Variants in ACOX3 observed in about 807,000 individuals in gnomAD.
ACOX3 encodes the protein peroxisomal acyl-coenzyme A oxidase 3.
Under a neutral mutation model 81.5 loss-of-function variants are expected in ACOX3, and 73 were observed. That is an observed-to-expected ratio of 0.90 (90% confidence interval 0.74 to 1.09). ACOX3 has a LOEUF of 1.09. Among genes scored for constraint, ACOX3 ranks in the 50% least tolerant of loss-of-function variants. The pLI, the probability that ACOX3 is intolerant of heterozygous loss-of-function variation, is 0.00. For synonymous variants in ACOX3, 387 were observed against 375.1 expected, an observed-to-expected ratio of 1.03 and a Z score of -0.37; for missense variants, 947 against 928.0, an observed-to-expected ratio of 1.02 and a Z score of -0.27.
In ACOX3 at chr4:8,394,397, G is replaced by A. The variant is rs1284461441; in HGVS notation, c.1179+223C>T. ...AGCTGAACTCACAGACTGGAACCGG[G>A]AGTCGTGTCAGCACATCCTTGAGAG... On this transcript the variant is annotated intron_variant, in intron 10 of 17. Transcript: ENST00000356406. This position sits in a 1 kb window ranked among gnomAD's most constrained non-coding sequence, Gnocchi z 5.9. Among the ~76,000 whole-genome samples, 1 of 152,248 alleles carries A rather than the reference G, an allele frequency of 6.6e-6. No individual in the cohort carries two copies. The highest frequency in any genetic ancestry group is 1.9e-4 in the East Asian group (1 of 5,196).
In ACOX3 at chr4:8,423,719, T is replaced by C. The variant is rs1301807096; in HGVS notation, c.-14-7184A>G. On this transcript the variant is annotated intron_variant, in intron 1 of 17. Transcript: ENST00000356406. The surrounding 1 kb of genome is among the most constrained non-coding windows in gnomAD (Gnocchi z 4.2). ...GAGGAAGCAGAGTGGTTTACAGTCC[T>C]GGACCTTAAGGATGCCTTTTACTGC... Among the ~76,000 whole-genome samples the C allele has an allele frequency of 6.6e-6, 1 of 152,318 alleles. No individual in the cohort carries two copies. Among genetic ancestry groups the C allele is most frequent in the Non-Finnish European group, 1.5e-5 (1 of 68,034 alleles).
At chr4:8,417,042 T>G (rs527730568) in intron 1 of ACOX3, among the ~76,000 whole-genome samples, 39 of 152,340 alleles carry the variant, frequency 2.6e-4, no homozygotes, top group Non-Finnish European at 4.9e-4. Context: ...GCACAGAACC[T>G]CTGATCACAG....
intron 1 of ACOX3, among the ~76,000 whole-genome samples, chr4:8,421,887 C>A (rs1722984899): frequency 1.3e-5 from 2 of 152,168 alleles, no homozygotes; most frequent in African/African-American, 4.8e-5. Context: ...CCAATTTCTA[C>A]CCAGCTTACC....
Position 8,394,428 on chromosome 4 carries a change from G to A in ACOX3, c.1179+192C>T, listed in dbSNP as rs1401613383. Among the ~76,000 whole-genome samples, 2 of 152,240 alleles carry A rather than the reference G, an allele frequency of 1.3e-5. No individual in the cohort carries two copies. The highest frequency in any genetic ancestry group is 2.9e-5 in the Non-Finnish European group (2 of 68,038). Reference sequence around the variant, plus strand: ...TGTCAGCACATCCTTGAGAGGCAGGGGTGTGGACGCGTGCCCAGCCCGTTC... The same window carrying A: ...TGTCAGCACATCCTTGAGAGGCAGGAGTGTGGACGCGTGCCCAGCCCGTTC... On this transcript the variant is annotated intron_variant, in intron 10 of 17. Transcript: ENST00000356406. The surrounding 1 kb of genome is among the most constrained non-coding windows in gnomAD (Gnocchi z 5.9).
At chr4:8,427,637 T>C (rs1401321648) in intron 1 of ACOX3, among the ~76,000 whole-genome samples, 1 of 152,218 alleles carries the variant, frequency 6.6e-6, no homozygotes, top group Non-Finnish European at 1.5e-5. Context: ...AATAGAGCTA[T>C]AACACTCACC....
intron 5 of ACOX3, among the ~76,000 whole-genome samples, chr4:8,411,010 G>A (rs1161718798): frequency 2.0e-5 from 3 of 152,366 alleles, no homozygotes; most frequent in Non-Finnish European, 1.5e-5. Flanking sequence ...GGTCAGAAGC[G>A]AAGAGCACGT....
chr4:8,406,419 C>T lies in ACOX3; in HGVS notation c.688-376G>A, dbSNP rs1720960207. 6.6e-6 allele frequency among the ~76,000 whole-genome samples: 1 copy of T among 152,150 alleles called. No individual in the cohort carries two copies. Among genetic ancestry groups the T allele is most frequent in the Admixed American group, 6.5e-5 (1 of 15,278 alleles). On this transcript the variant is annotated intron_variant, in intron 6 of 17. Coordinates refer to ENST00000356406, the MANE Select transcript of ACOX3 (RefSeq NM_003501.3). The surrounding 1 kb of genome is among the most constrained non-coding windows in gnomAD (Gnocchi z 5.6). ...GCTGGGGCTGTAGGGATCAGCCCCA[C>T]AGGGTCAGTGGGTTTCTCCCCGTGT...
At chr4:8,396,882 G>C in intron 9 of ACOX3, 55 bp downstream of exon 9, 2 of 1,568,550 alleles carry the variant, frequency 1.3e-6, no homozygotes, top group South Asian at 1.2e-5. Context: ...TGTAAAAGAA[G>C]TGAATTTGCA....
At chr4:8,422,079 A>T (rs1723009941) in intron 1 of ACOX3, among the ~76,000 whole-genome samples, 1 of 152,218 alleles carries the variant, frequency 6.6e-6, no homozygotes, top group Non-Finnish European at 1.5e-5. Context: ...CAACGAGCGA[A>T]CATTCTTCCG....
At chr4:8,420,134 C>T (rs1358676134) in intron 1 of ACOX3, among the ~76,000 whole-genome samples, 1 of 152,192 alleles carries the variant, frequency 6.6e-6, no homozygotes, top group African/African-American at 2.4e-5. Flanking sequence ...AGACATTGAC[C>T]ATGGTCATAC....
intron 14 of ACOX3, among the ~76,000 whole-genome samples, chr4:8,379,942 C>T (rs1227156207): frequency 1.3e-5 from 2 of 152,004 alleles, no homozygotes; most frequent in African/African-American, 4.8e-5. Context: ...TGAGCCAGTG[C>T]AGCAGCCTAT....
rs377178118 is a variant in ACOX3 at position 8,389,666 on chromosome 4, G to C, written c.1369C>G (p.Leu457Val). ...NCTYEGDNNI[L>V]LQQTSNYLLG... is the part of the protein sequence containing the mutation. Reference sequence around the variant, plus strand: ...AAATAGTTGCTTGTCTGCTGCAGCAGGATGTTGTTGTCACCTTCGTATGTG... The same window carrying C: ...AAATAGTTGCTTGTCTGCTGCAGCACGATGTTGTTGTCACCTTCGTATGTG... Residue 457 changes from leucine to valine, a missense_variant, in exon 12 of 18, where the codon CTG becomes GTG. Leu to Val is a conservative substitution (Grantham distance 32). Transcript: ENST00000356406. The surrounding 1 kb of genome is among the most constrained non-coding windows in gnomAD (Gnocchi z 5.3). 64 of 1,614,072 alleles carry C rather than the reference G, an allele frequency of 4.0e-5. No individual in the cohort carries two copies. The Middle Eastern group carries it at 9.9e-4, about 25-fold the overall frequency.
chr4:8,430,407 A>G lies in ACOX3; in HGVS notation c.-15+10241T>C, dbSNP rs1020982521. On this transcript the variant is annotated intron_variant, in intron 1 of 17. Coordinates refer to ENST00000356406, the MANE Select transcript of ACOX3 (RefSeq NM_003501.3). The surrounding 1 kb of genome is among the most constrained non-coding windows in gnomAD (Gnocchi z 5.2). ...AAGACAAAGCAATCATGGTCTAATA[A>G]AAAATACACACCACTGTTTTTCAAA... Among the ~76,000 whole-genome samples, 1 of 152,156 alleles carries G rather than the reference A, an allele frequency of 6.6e-6. No homozygotes were observed. Among genetic ancestry groups the G allele is most frequent in the Non-Finnish European group, 1.5e-5 (1 of 68,032 alleles).
At position 8,385,280 on chromosome 4, in the gene ACOX3, G is replaced by A. The variant is rs3775893; in HGVS notation, c.1538-3673C>T. On this transcript the variant is annotated intron_variant, in intron 13 of 17. Coordinates refer to ENST00000356406, the MANE Select transcript of ACOX3 (RefSeq NM_003501.3). The surrounding 1 kb of genome is among the most constrained non-coding windows in gnomAD (Gnocchi z 5.5). ...CACATGACCTCACCATGCACTCCAC[G>A]TGACCTCACCGCTCCCCCACGTGAC... Among the ~76,000 whole-genome samples the A allele has an allele frequency of 0.36, 54,006 of 151,516 alleles. 10,660 individuals are homozygous for A. The highest frequency in any genetic ancestry group is 0.47 in the South Asian group (2,251 of 4,782).
chr4:8,398,801 T>G (rs776425971), intron 8 of ACOX3, among the ~76,000 whole-genome samples: 1 of 152,236 alleles, frequency 6.6e-6, no homozygotes, highest in Admixed American at 6.5e-5. Flanking sequence ...CCTCTCCTTC[T>G]GCCTTCTAGA....
rs1032759150 is a variant in ACOX3 at position 8,382,039 on chromosome 4, G to A, written c.1538-432C>T. 6.6e-6 allele frequency among the ~76,000 whole-genome samples: 1 copy of A among 152,224 alleles called. No homozygotes were observed. On this transcript the variant is annotated intron_variant, in intron 13 of 17. Transcript: ENST00000356406. This position sits in a 1 kb window ranked among gnomAD's most constrained non-coding sequence, Gnocchi z 4.1. ...CTGGCCGGCGGTGGCGCCCAGTGGC[G>A]AGAGGAAGGGGTGCTTCCGTTCGCC...
In ACOX3 at chr4:8,368,305, G is replaced by T. The variant is rs563626763; in HGVS notation, c.1984-1225C>A. On this transcript the variant is annotated intron_variant, in intron 17 of 17. Transcript: ENST00000356406. The surrounding 1 kb of genome is among the most constrained non-coding windows in gnomAD (Gnocchi z 5.9). Reference sequence around the variant, plus strand: ...TAAGTGGCCTCACTGGGAAGATGGGGAGAGACGCTCCTGTCTTGGAGGAAG... The same window carrying T: ...TAAGTGGCCTCACTGGGAAGATGGGTAGAGACGCTCCTGTCTTGGAGGAAG... Among the ~76,000 whole-genome samples, 49 of 152,368 alleles carry T rather than the reference G, an allele frequency of 3.2e-4. No individual in the cohort carries two copies. The highest frequency in any genetic ancestry group is 1.2e-3 in the African/African-American group (49 of 41,590).
intron 1 of ACOX3, chr4:8,428,339 C>G (rs977049164): frequency 2.0e-5 from 3 of 152,610 alleles, no homozygotes; most frequent in Admixed American, 6.5e-5. Flanking sequence ...TGCTCTGCAC[C>G]GTCCAACTCA....
At position 8,410,343 on chromosome 4, in the gene ACOX3, G is replaced by A. The variant is rs199838121; in HGVS notation, c.556C>T (p.His186Tyr). The A allele has an allele frequency of 5.7e-5, 92 of 1,614,054 alleles. No individual in the cohort carries two copies. The South Asian group carries it at 8.1e-4, about 14-fold the overall frequency. ...YDPATEEFII[H>Y]SPDFEAAKFW... is the part of the protein sequence containing the mutation. ...TTGGCAGCTTCGAAATCAGGGGAATGTATGATGAATTCCTGCACAAGGGAA... is the reference window on the plus strand; with the variant it reads ...TTGGCAGCTTCGAAATCAGGGGAATATATGATGAATTCCTGCACAAGGGAA... The change falls in exon 6 of 18, where the codon CAT becomes TAT. Residue 186 changes from histidine to tyrosine, a missense_variant. Coordinates refer to ENST00000356406, the MANE Select transcript of ACOX3 (RefSeq NM_003501.3).
Sources: allele counts gnomAD v4.1 joint callset (sites outside exome capture counted in the v4.1 genomes callset), GRCh38; gene constraint gnomAD v4.1.1; non-coding constraint Gnocchi (gnomAD v3.1); transcripts MANE v1.5; gene names NCBI Gene and HGNC (gene_info 2026-07-23, HGNC 2026-07-21).